CHSY3: variants seen among roughly 807,000 people sequenced by gnomAD.
CHSY3 encodes chondroitin sulfate synthase 3, also known as N-acetylgalactosaminyl-proteoglycan 3-beta-glucuronosyltransferase 3.
CHSY3 carries 35 observed loss-of-function variants against 67.2 expected under a neutral mutation model. The ratio of observed to expected loss-of-function variants is 0.52; its 90% confidence interval spans 0.40 to 0.69. The LOEUF is 0.69. Among genes scored for constraint, CHSY3 ranks in the 30% least tolerant of loss-of-function variants. The probability of loss-of-function intolerance (pLI) is 0.00; values close to 1 mark genes in which losing one functional copy is unlikely to be tolerated. For missense variants in CHSY3, 1,069 were observed against 1,138.5 expected (o/e 0.94, Z 0.88); for synonymous variants, 474 against 434.7 (o/e 1.09, Z -1.12).
At chr5:130,055,270 T>A (rs1377619087) in intron 2 of CHSY3, among the ~76,000 whole-genome samples, 1 of 136,830 alleles carries the variant, frequency 7.3e-6, no homozygotes, top group Non-Finnish European at 1.6e-5. Flanking sequence ...TCTTAGAATT[T>A]GCCCCTTGTA....
intron 2 of CHSY3, among the ~76,000 whole-genome samples, chr5:129,978,344 G>C (rs10478905): frequency 0.011 from 1,727 of 152,190 alleles, 14 homozygotes; most frequent in Middle Eastern, 0.1. Flanking sequence ...CCAGTATTTT[G>C]CCAATACAAA....
chr5:130,045,669 C>T (rs753482982), intron 2 of CHSY3, among the ~76,000 whole-genome samples: 8 of 152,000 alleles, frequency 5.3e-5, no homozygotes, highest in Non-Finnish European at 1.2e-4. Flanking sequence ...ATGCCATTGC[C>T]CTGGAACTAC....
Position 130,146,397 on chromosome 5 carries a change from G to A in CHSY3, c.1087-37832G>A, listed in dbSNP as rs556333555. ...TCTCACTCATACGTGGAAACTAAAA[G>A]AAAAGATGTTATCAAACATACCAGA... is the stretch of plus-strand genomic sequence containing the variant. On this transcript the variant is annotated intron_variant, in intron 2 of 2. Coordinates refer to ENST00000305031, the MANE Select transcript of CHSY3 (RefSeq NM_175856.5). 2.1e-3 allele frequency among the ~76,000 whole-genome samples: 321 copies of A among 152,174 alleles called. 6 individuals carry two copies. The South Asian group carries it at 0.035, about 17-fold the overall frequency.
intron 2 of CHSY3, among the ~76,000 whole-genome samples, chr5:129,981,226 A>AAC (rs1337963082): frequency 6.7e-6 from 1 of 150,308 alleles, no homozygotes; most frequent in African/African-American, 2.4e-5. Flanking sequence ...GTCTCAAACA[A>AAC]AAAAAAAAGA....
At chr5:130,107,726 A>G (rs1767455308) in intron 2 of CHSY3, among the ~76,000 whole-genome samples, 1 of 151,558 alleles carries the variant, frequency 6.6e-6, no homozygotes, top group South Asian at 2.1e-4. Flanking sequence ...AGTAAAACTT[A>G]GTGGTATTTG....
intron 2 of CHSY3, among the ~76,000 whole-genome samples, chr5:130,060,198 A>G (rs1490341929): frequency 6.6e-6 from 1 of 152,204 alleles, no homozygotes; most frequent in Non-Finnish European, 1.5e-5. Context: ...CCAAAAGCAC[A>G]TCAAAAAGAT....
chr5:129,971,691 T>C (rs1762644477), intron 2 of CHSY3, among the ~76,000 whole-genome samples: 1 of 152,022 alleles, frequency 6.6e-6, no homozygotes, highest in South Asian at 2.1e-4. Flanking sequence ...TTATATGGTA[T>C]ATCACATTGC....
Position 130,185,473 on chromosome 5 carries a change from C to T in CHSY3, c.2331C>T (p.Asp777=). 3 of 1,614,092 alleles carry T rather than the reference C, an allele frequency of 1.9e-6. No individual in the cohort carries two copies. Among genetic ancestry groups the T allele is most frequent in the Non-Finnish European group, 2.5e-6 (3 of 1,179,970 alleles). Residue 777 remains aspartate, a synonymous_variant, in exon 3 of 3, where the codon GAC becomes GAT. Coordinates refer to ENST00000305031, the MANE Select transcript of CHSY3 (RefSeq NM_175856.5). ...CAAAAAAGACTGGATTTTGGAGAGA[C>T]TATGGATATGGCATCACCTGTATTT... is the stretch of plus-strand genomic sequence containing the variant. The part of the protein sequence containing the change: ...IFSKKTGFWR[D]YGYGITCIYK...
intron 2 of CHSY3, among the ~76,000 whole-genome samples, chr5:130,031,502 C>T (rs1288321246): frequency 6.6e-6 from 1 of 152,082 alleles, no homozygotes; most frequent in East Asian, 1.9e-4. Flanking sequence ...TATTTGTTTA[C>T]CTTGTTTACA....
At chr5:130,153,023 G>A (rs1489139770) in intron 2 of CHSY3, among the ~76,000 whole-genome samples, 3 of 152,078 alleles carry the variant, frequency 2.0e-5, no homozygotes, top group Non-Finnish European at 4.4e-5. Context: ...TTGAAATCAG[G>A]AGTTCGAGAC....
At chr5:130,054,658 A>G (rs1285793155) in intron 2 of CHSY3, among the ~76,000 whole-genome samples, 3 of 152,238 alleles carry the variant, frequency 2.0e-5, no homozygotes, top group Admixed American at 1.3e-4. Flanking sequence ...GAATTAAATT[A>G]TTAACACATG....
chr5:129,959,612 A>C (rs936385884), intron 2 of CHSY3, among the ~76,000 whole-genome samples: 3 of 151,934 alleles, frequency 2.0e-5, no homozygotes, highest in Admixed American at 1.3e-4. Flanking sequence ...AGTTGAGTTT[A>C]TTGTTATTCA....
chr5:130,099,279 T>C (rs1767150831), intron 2 of CHSY3, among the ~76,000 whole-genome samples: 1 of 152,242 alleles, frequency 6.6e-6, no homozygotes, highest in Non-Finnish European at 1.5e-5. Context: ...AAACAGATCT[T>C]TCTTTGAGAG....
At chr5:130,154,493 A>G (rs916083245) in intron 2 of CHSY3, among the ~76,000 whole-genome samples, 9 of 152,212 alleles carry the variant, frequency 5.9e-5, no homozygotes, top group African/African-American at 2.2e-4. Context: ...TCTCCCATTC[A>G]GAAAGACTCA....
chr5:130,110,856 G>C (rs959902171), intron 2 of CHSY3, among the ~76,000 whole-genome samples: 7 of 151,690 alleles, frequency 4.6e-5, no homozygotes, highest in African/African-American at 1.7e-4. Context: ...TTCATGTTTG[G>C]GAATGTAAAA....
intron 2 of CHSY3, among the ~76,000 whole-genome samples, chr5:130,143,734 G>GTGTATATATA (rs1223966105): frequency 1.3e-4 from 12 of 94,662 alleles, no homozygotes; most frequent in Non-Finnish European, 1.6e-4. Flanking sequence ...GTGTGTGTGT[G>GTGTATATATA]TATATATATA....
At chr5:129,936,295 G>T (rs1761486942) in intron 2 of CHSY3, among the ~76,000 whole-genome samples, 1 of 152,164 alleles carries the variant, frequency 6.6e-6, no homozygotes, top group Non-Finnish European at 1.5e-5. Flanking sequence ...AACACCTCTG[G>T]TTAATTTATA....
rs554747793 is a variant in CHSY3 at position 130,185,479 on chromosome 5, A to G, written c.2337A>G (p.Gly779=). Residue 779 remains glycine (G), a synonymous_variant, in exon 3 of 3, where the codon GGA becomes GGG. Coordinates refer to ENST00000305031, the MANE Select transcript of CHSY3 (RefSeq NM_175856.5). ...SKKTGFWRDY[G]YGITCIYKSD... Reference sequence around the variant, plus strand: ...AGACTGGATTTTGGAGAGACTATGGATATGGCATCACCTGTATTTACAAAA... The same window carrying G: ...AGACTGGATTTTGGAGAGACTATGGGTATGGCATCACCTGTATTTACAAAA... 7 of 1,614,152 alleles carry G rather than the reference A, an allele frequency of 4.3e-6. No homozygotes were observed. In the South Asian group the frequency reaches 6.6e-5, roughly 15 times the overall value.
At chr5:130,002,640 AG>A (rs1163165001) in intron 2 of CHSY3, among the ~76,000 whole-genome samples, 2 of 152,202 alleles carry the variant, frequency 1.3e-5, no homozygotes, top group African/African-American at 4.8e-5. Flanking sequence ...AAAGAGACAT[AG>A]AAGCTAGAGA....
Sources: gnomAD v4.1 joint callset for allele counts (sites outside exome capture counted in the v4.1 genomes callset) on GRCh38, gnomAD v4.1.1 for gene constraint, MANE v1.5 for transcripts, NCBI Gene and HGNC (gene_info 2026-07-23, HGNC 2026-07-21) for gene names.